CLPSL1: variants seen among roughly 807,000 people sequenced by gnomAD.
CLPSL1 encodes the protein colipase-like protein 1.
In CLPSL1, 13 loss-of-function variants were observed where a neutral mutation model predicts 9.3. The observed-to-expected ratio is 1.40, with a 90% confidence interval of 0.91 to 2.22. CLPSL1 has a LOEUF of 2.22. Ranked by LOEUF, CLPSL1 falls within the 30% of genes most tolerant of loss-of-function variation. CLPSL1 has a pLI of 0.00. For missense variants in CLPSL1, 164 were observed against 146.6 expected, an observed-to-expected ratio of 1.12 and a Z score of -0.61; for synonymous variants, 58 against 56.9, an observed-to-expected ratio of 1.02 and a Z score of -0.08.
At chr6:35,785,128 C>T (rs1768042927) in intron 1 of CLPSL1, among the ~76,000 whole-genome samples, 1 of 151,794 alleles carries the variant, frequency 6.6e-6, no homozygotes, top group South Asian at 2.1e-4. Flanking sequence ...GTACGCATGC[C>T]CATCTGAGGC....
intron 1 of CLPSL1, 76 bp downstream of exon 1, chr6:35,781,285 C>T (rs1767962792): frequency 1.3e-6 from 2 of 1,547,064 alleles, no homozygotes; most frequent in Admixed American, 3.7e-5. Context: ...GGTGAGCGGG[C>T]ATGGGGGCTA....
At chr6:35,785,318 C>T (rs1023872674) in intron 1 of CLPSL1, among the ~76,000 whole-genome samples, 8 of 151,860 alleles carry the variant, frequency 5.3e-5, no homozygotes, top group South Asian at 2.1e-4. Context: ...GCTGGGACTA[C>T]AGGCACCCGC....
chr6:35,793,743 G>T, downstream of CLPSL1: 1 of 370,396 alleles, frequency 2.7e-6, no homozygotes, highest in South Asian at 2.1e-5. Context: ...GTTACAGGAG[G>T]ATTCATTGAT....
At chr6:35,783,149 T>G (rs1168569005) in intron 1 of CLPSL1, among the ~76,000 whole-genome samples, 1 of 152,162 alleles carries the variant, frequency 6.6e-6, no homozygotes. Flanking sequence ...GGCAACTGTC[T>G]CCTGACTTCC....
rs1049072067 is a variant in CLPSL1, at chr6:35,786,917, C to G, written c.100-81C>G. On this transcript the variant is annotated intron_variant, in intron 1 of 2. Transcript: ENST00000373861. ...GGGAGCAGAGTCTGGGGAGGAGCCC[C>G]GTAGGGAGAAAGCCCCAGGCGGGGC... is the stretch of plus-strand genomic sequence containing the variant. The G allele has an allele frequency of 1.7e-5, 25 of 1,502,886 alleles. No individual in the cohort carries two copies. In the Admixed American group the frequency reaches 3.2e-4, roughly 19 times the overall value. 93.1% of individuals were successfully genotyped at this position (1,502,886 alleles called of 1,614,324 possible). A position where few individuals can be genotyped will look rare whatever the true frequency, so the allele number is the denominator to read the frequency against.
intron 1 of CLPSL1, among the ~76,000 whole-genome samples, chr6:35,781,970 T>C (rs540059137): frequency 6.6e-6 from 1 of 152,260 alleles, no homozygotes; most frequent in East Asian, 1.9e-4. Context: ...CAGGCTGGTC[T>C]TGAACTCCTG....
chr6:35,791,077 AG>A (rs1768176358), downstream of CLPSL1, among the ~76,000 whole-genome samples: 1 of 152,066 alleles, frequency 6.6e-6, no homozygotes, highest in Non-Finnish European at 1.5e-5. Context: ...GAAAAGAAAA[AG>A]GCCCATTTTC....
chr6:35,785,122 G>C (rs1052250970), intron 1 of CLPSL1, among the ~76,000 whole-genome samples: 5 of 151,678 alleles, frequency 3.3e-5, no homozygotes, highest in African/African-American at 1.2e-4. Context: ...GAAGTTGTAC[G>C]CATGCCCATC....
At chr6:35,792,163 A>C (rs930654957), downstream of CLPSL1, among the ~76,000 whole-genome samples, 2 of 152,336 alleles carry the variant, frequency 1.3e-5, no homozygotes, top group Non-Finnish European at 2.9e-5. Flanking sequence ...TAGTTCTAGC[A>C]CTTGGGGAAC....
rs1328029129 is a variant in CLPSL1, at chr6:35,787,093, G to A, written c.195G>A (p.Gly65=). 6.2e-6 allele frequency: 10 copies of A among 1,611,246 alleles called. No individual in the cohort carries two copies. The highest frequency in any genetic ancestry group is 1.1e-5 in the South Asian group (1 of 90,122). ...DNCESHCAEK[G]SEGSLCQTQV... ...GCGAGTCGCACTGCGCGGAGAAGGG[G>A]TCCGAGGGCAGTCTGTGTCAAACGC... The change falls in exon 2 of 3, where the codon GGG becomes GGA. Residue 65 remains glycine (G), a synonymous_variant. Transcript: ENST00000373861.
downstream of CLPSL1, among the ~76,000 whole-genome samples, chr6:35,792,834 C>T (rs1416586735): frequency 6.6e-6 from 1 of 152,282 alleles, no homozygotes; most frequent in Non-Finnish European, 1.5e-5. Context: ...AGAAGCGTGA[C>T]TCAGCCCTGC....
chr6:35,786,962 C>T (rs747380672), intron 1 of CLPSL1, 36 bp from the exon 2 acceptor site: 5 of 1,552,972 alleles, frequency 3.2e-6, no homozygotes, highest in East Asian at 4.8e-5. Flanking sequence ...GGAAGGCGGG[C>T]GGTGGAGCCT....
At chr6:35,781,426 T>C (rs1322244438) in intron 1 of CLPSL1, among the ~76,000 whole-genome samples, 2 of 152,084 alleles carry the variant, frequency 1.3e-5, no homozygotes, top group African/African-American at 4.8e-5. Context: ...CAGAGGTGAA[T>C]GTGAGAGAGC....
chr6:35,787,056 C>T lies in CLPSL1; in HGVS notation c.158C>T (p.Ala53Val), dbSNP rs1768092431. ...QDCETGCCQRAPDNCESHCAE... is the reference protein window; with the variant it reads ...QDCETGCCQRVPDNCESHCAE... ...TGCGAGACTGGCTGCTGCCAACGTG[C>T]TCCAGACAATTGCGAGTCGCACTGC... Residue 53 changes from alanine (A) to valine (V), a missense_variant, in exon 2 of 3, where the codon GCT (alanine) becomes GTT (valine). Coordinates refer to ENST00000373861, the MANE Select transcript of CLPSL1 (RefSeq NM_001010886.5). 2 of 1,604,116 alleles carry T rather than the reference C, an allele frequency of 1.2e-6. No homozygotes were observed. The highest frequency in any genetic ancestry group is 1.3e-5 in the African/African-American group (1 of 74,938).
rs1292686950 is a variant in CLPSL1 at position 35,788,064 on chromosome 6, A to G, written c.*54A>G. The G allele has an allele frequency of 4.3e-6, 6 of 1,399,864 alleles. No individual in the cohort carries two copies. Among genetic ancestry groups the G allele is most frequent in the Non-Finnish European group, 5.0e-6 (5 of 990,680 alleles). 86.7% of individuals were successfully genotyped at this position (1,399,864 alleles called of 1,614,324 possible). ...CCTCCACCTGCTCTCCTCCCTACCC[A>G]GAGCTCTGTGTTCACCCTGTTCCCC... On this transcript the variant is annotated 3_prime_UTR_variant, in exon 3 of 3. Coordinates refer to ENST00000373861, the MANE Select transcript of CLPSL1 (RefSeq NM_001010886.5).
At chr6:35,786,217 A>C (rs1175765921) in intron 1 of CLPSL1, among the ~76,000 whole-genome samples, 3 of 152,224 alleles carry the variant, frequency 2.0e-5, no homozygotes, top group African/African-American at 7.2e-5. Context: ...ACGCCACTGC[A>C]TACCAGCCTG....
downstream of CLPSL1, chr6:35,788,198 C>T (rs975339122): frequency 1.4e-5 from 8 of 582,212 alleles, no homozygotes; most frequent in East Asian, 3.1e-4. Context: ...CTGGGGTGGG[C>T]ATGGTACAGG....
chr6:35,789,945 G>A (rs1331689481), downstream of CLPSL1, among the ~76,000 whole-genome samples: 1 of 152,206 alleles, frequency 6.6e-6, no homozygotes, highest in African/African-American at 2.4e-5. Flanking sequence ...TGTTTTGTTG[G>A]AGACAGGGTC....
chr6:35,792,905 T>C (rs1768247646), downstream of CLPSL1, among the ~76,000 whole-genome samples: 2 of 152,262 alleles, frequency 1.3e-5, no homozygotes, highest in Admixed American at 1.3e-4. Context: ...GAGCACATAA[T>C]TCATATGTGG....
Sources: allele counts gnomAD v4.1 joint callset (sites outside exome capture counted in the v4.1 genomes callset), GRCh38; gene constraint gnomAD v4.1.1; transcripts MANE v1.5; gene names NCBI Gene and HGNC (gene_info 2026-07-23, HGNC 2026-07-21).